Variants in SLC9A9 observed in about 807,000 individuals in gnomAD.
SLC9A9 encodes the protein sodium/hydrogen exchanger 9.
Under a neutral mutation model 77.8 loss-of-function variants are expected in SLC9A9, and 62 were observed. That is an observed-to-expected ratio of 0.80 (90% CI 0.65 to 0.98). The LOEUF (loss-of-function observed/expected upper bound fraction) is 0.98. SLC9A9 is among the 50% of genes least tolerant of loss of function. The pLI, the probability that SLC9A9 is intolerant of heterozygous loss-of-function variation, is 0.00. For missense variants in SLC9A9, 775 were observed against 774.9 expected, an observed-to-expected ratio of 1.00 and a Z score of 0.00; for synonymous variants, 320 against 283.5, an observed-to-expected ratio of 1.13 and a Z score of -1.29.
intron 6 of SLC9A9, among the ~76,000 whole-genome samples, chr3:143,618,559 A>T (rs1012214363): frequency 2.6e-5 from 4 of 152,152 alleles, no homozygotes; most frequent in African/African-American, 9.7e-5. Context: ...CTCTTTCCTA[A>T]TTCTGTCTAG....
chr3:143,712,944 G>A (rs879019862), intron 4 of SLC9A9, among the ~76,000 whole-genome samples: 3 of 152,138 alleles, frequency 2.0e-5, no homozygotes, highest in Admixed American at 1.3e-4. Flanking sequence ...TCTCAGGTGT[G>A]TATCAAAGTG....
chr3:143,634,009 T>A (rs1229502442), intron 6 of SLC9A9, among the ~76,000 whole-genome samples: 1 of 152,196 alleles, frequency 6.6e-6, no homozygotes, highest in Non-Finnish European at 1.5e-5. Flanking sequence ...TTCACATTCT[T>A]TCCCTCAGAA....
chr3:143,554,909 T>A (rs1164057166), intron 8 of SLC9A9, among the ~76,000 whole-genome samples: 1 of 152,252 alleles, frequency 6.6e-6, no homozygotes, highest in Admixed American at 6.5e-5. Flanking sequence ...CCATCCACTC[T>A]GTACAAATTG....
intron 6 of SLC9A9, among the ~76,000 whole-genome samples, chr3:143,612,313 T>G (rs886355000): frequency 5.3e-5 from 8 of 152,234 alleles, no homozygotes; most frequent in Admixed American, 3.9e-4. Flanking sequence ...TGAACTTTCA[T>G]GAGTGCAACC....
At chr3:143,416,052 T>A (rs898604677) in intron 12 of SLC9A9, among the ~76,000 whole-genome samples, 1 of 152,052 alleles carries the variant, frequency 6.6e-6, no homozygotes, top group African/African-American at 2.4e-5. Context: ...GTAACACAGA[T>A]GTGGTAGAAA....
At chr3:143,792,279 T>C (rs1347760759) in intron 4 of SLC9A9, among the ~76,000 whole-genome samples, 2 of 152,232 alleles carry the variant, frequency 1.3e-5, no homozygotes, top group African/African-American at 4.8e-5. Context: ...TCTCATATAA[T>C]GGAAGTTACC....
intron 9 of SLC9A9, among the ~76,000 whole-genome samples, chr3:143,498,071 T>C (rs2035866640): frequency 6.6e-6 from 1 of 152,202 alleles, no homozygotes; most frequent in Non-Finnish European, 1.5e-5. Context: ...TTGAATAACC[T>C]AGGATTTTAA....
At chr3:143,704,918 G>T (rs1235518669) in intron 4 of SLC9A9, among the ~76,000 whole-genome samples, 1 of 151,866 alleles carries the variant, frequency 6.6e-6, no homozygotes, top group Non-Finnish European at 1.5e-5. Context: ...CTTGAACCTG[G>T]GAGATGGAGG....
intron 12 of SLC9A9, among the ~76,000 whole-genome samples, chr3:143,463,520 T>C (rs1273791442): frequency 2.6e-5 from 4 of 152,210 alleles, no homozygotes; most frequent in Admixed American, 2.6e-4. Flanking sequence ...TTTTGTTTCC[T>C]GGGTAACAGC....
Position 143,358,629 on chromosome 3 carries a change from C to T in SLC9A9, c.1604+4855G>A, listed in dbSNP as rs2108480078. 2.6e-5 allele frequency among the ~76,000 whole-genome samples: 4 copies of T among 152,218 alleles called. No individual in the cohort carries two copies. The Middle Eastern group carries it at 0.01, about 388-fold the overall frequency. On this transcript the variant is annotated intron_variant, in intron 14 of 15. Coordinates refer to ENST00000316549, the MANE Select transcript of SLC9A9 (RefSeq NM_173653.4). Reference sequence around the variant, plus strand: ...GACAGTCAAGCAACATCATTAGTCACCTATGAATAAGGCAACATGAGATTC... The same window carrying T: ...GACAGTCAAGCAACATCATTAGTCATCTATGAATAAGGCAACATGAGATTC...
intron 4 of SLC9A9, among the ~76,000 whole-genome samples, chr3:143,782,728 C>A (rs7626610): frequency 0.55 from 83,185 of 152,026 alleles, 25,020 homozygotes; most frequent in African/African-American, 0.79. Context: ...TTTTACAAAT[C>A]TTTTTATGAA....
At chr3:143,503,788 C>T in intron 9 of SLC9A9, 1 of 337,124 alleles carries the variant, frequency 3.0e-6, no homozygotes, top group South Asian at 2.4e-5. Flanking sequence ...TCATGGATGG[C>T]CTTGGCTGGG....
At chr3:143,452,503 TAAAAAAAAA>T (rs58038873) in intron 12 of SLC9A9, among the ~76,000 whole-genome samples, 1 of 108,884 alleles carries the variant, frequency 9.2e-6, no homozygotes, top group African/African-American at 3.3e-5. Flanking sequence ...TTAAAAAGAC[TAAAAAAAAA>T]AAAAAAAAAA....
chr3:143,308,173 A>G (rs576673829), intron 14 of SLC9A9, among the ~76,000 whole-genome samples: 2 of 152,342 alleles, frequency 1.3e-5, no homozygotes, highest in South Asian at 4.1e-4. Flanking sequence ...AAGAATGAGC[A>G]ATTTAACTTT....
At chr3:143,546,957 C>A (rs2036801679) in intron 9 of SLC9A9, among the ~76,000 whole-genome samples, 1 of 152,162 alleles carries the variant, frequency 6.6e-6, no homozygotes, top group South Asian at 2.1e-4. Context: ...CCATTCTATT[C>A]AGGTTTTCTG....
chr3:143,516,878 T>C (rs920061425), intron 9 of SLC9A9, among the ~76,000 whole-genome samples: 1 of 152,126 alleles, frequency 6.6e-6, no homozygotes, highest in African/African-American at 2.4e-5. Context: ...TCTTCTTGGG[T>C]AGTGTGTTAG....
intron 12 of SLC9A9, among the ~76,000 whole-genome samples, chr3:143,397,790 T>C (rs926430860): frequency 2.6e-5 from 4 of 152,154 alleles, no homozygotes; most frequent in Admixed American, 2.0e-4. Flanking sequence ...GGAGCCTTAA[T>C]GGGAATGCAT....
chr3:143,398,848 A>T (rs1189180587), intron 12 of SLC9A9, among the ~76,000 whole-genome samples: 1 of 152,172 alleles, frequency 6.6e-6, no homozygotes, highest in South Asian at 2.1e-4. Context: ...TAAGCCCACA[A>T]TTGGAAGCAG....
chr3:143,288,677 T>G (rs1938449413), intron 14 of SLC9A9, among the ~76,000 whole-genome samples: 1 of 152,156 alleles, frequency 6.6e-6, no homozygotes, highest in South Asian at 2.1e-4. Context: ...CTATTGGCAG[T>G]GATGTTCCAC....
Sources: gnomAD v4.1 joint callset for allele counts (sites outside exome capture counted in the v4.1 genomes callset) on GRCh38, gnomAD v4.1.1 for gene constraint, MANE v1.5 for transcripts, NCBI Gene and HGNC (gene_info 2026-07-23, HGNC 2026-07-21) for gene names.